MSI2: variants seen among roughly 807,000 people sequenced by gnomAD.
MSI2 encodes musashi RNA binding protein 2.
Under a neutral mutation model 45.6 loss-of-function variants are expected in MSI2, and 17 were observed. The ratio of observed to expected loss-of-function variants is 0.37; its 90% CI spans 0.26 to 0.56. MSI2 has a LOEUF of 0.56. Among genes scored for constraint, MSI2 ranks in the 20% least tolerant of loss-of-function variants. MSI2 has a pLI of 0.77. For missense variants in MSI2, 293 were observed against 444.2 expected (o/e 0.66, Z 3.06); for synonymous variants, 156 against 158.2 (o/e 0.99, Z 0.11).
chr17:57,675,690 C>G (rs1334805638), intron 12 of MSI2, among the ~76,000 whole-genome samples: 3 of 152,142 alleles, frequency 2.0e-5, no homozygotes, highest in African/African-American at 4.8e-5. Context: ...GTGTGGGGAT[C>G]CAAGCCCTCT....
intron 5 of MSI2, among the ~76,000 whole-genome samples, chr17:57,304,184 CTA>C (rs1408892463): frequency 1.3e-5 from 2 of 151,830 alleles, no homozygotes; most frequent in African/African-American, 4.8e-5. Flanking sequence ...TGGTGAAATG[CTA>C]TCTCTACTAA....
intron 1 of MSI2, 140 bp from the exon 2 acceptor site, chr17:57,256,958 G>A: frequency 7.2e-7 from 1 of 1,383,474 alleles, no homozygotes; most frequent in Non-Finnish European, 9.8e-7. Flanking sequence ...ATTGCATTTC[G>A]CCGTCACCTT....
intron 5 of MSI2, among the ~76,000 whole-genome samples, chr17:57,357,912 T>G (rs1050620967): frequency 1.3e-5 from 2 of 152,326 alleles, no homozygotes; most frequent in Non-Finnish European, 1.5e-5. Flanking sequence ...TTGACCTTAG[T>G]GACTTGATCA....
chr17:57,473,462 T>C (rs1352833341), intron 6 of MSI2, among the ~76,000 whole-genome samples: 1 of 152,218 alleles, frequency 6.6e-6, no homozygotes, highest in Non-Finnish European at 1.5e-5. Context: ...TAGAATTCAT[T>C]GACGGCAAAA....
chr17:57,672,702 ATTAG>A (rs1912889849), intron 11 of MSI2, among the ~76,000 whole-genome samples: 1 of 152,230 alleles, frequency 6.6e-6, no homozygotes, highest in South Asian at 2.1e-4. Flanking sequence ...GAACGGGCTA[ATTAG>A]TTTATTTGTA....
chr17:57,334,818 TA>T (rs1914566237), intron 5 of MSI2, among the ~76,000 whole-genome samples: 1 of 151,290 alleles, frequency 6.6e-6, no homozygotes, highest in Non-Finnish European at 1.5e-5. Context: ...ATAAATAAGA[TA>T]AAAAAATACG....
chr17:57,285,602 TTG>T (rs943297337), intron 5 of MSI2, among the ~76,000 whole-genome samples: 23 of 152,248 alleles, frequency 1.5e-4, no homozygotes, highest in African/African-American at 5.5e-4. Flanking sequence ...CAAATAAAGT[TTG>T]TGGAAGGTTC....
intron 6 of MSI2, among the ~76,000 whole-genome samples, chr17:57,451,137 A>G (rs2085011118): frequency 1.3e-5 from 2 of 152,178 alleles, no homozygotes; most frequent in Admixed American, 1.3e-4. Flanking sequence ...GTTGAGTACC[A>G]GATACTGTGG....
intron 9 of MSI2, among the ~76,000 whole-genome samples, chr17:57,621,165 C>T (rs573550812): frequency 3.3e-5 from 5 of 152,336 alleles, no homozygotes; most frequent in Admixed American, 3.3e-4. Flanking sequence ...GGTAGCATGG[C>T]CTGACATGAC....
At chr17:57,621,844 GGT>G (rs1185917106) in intron 9 of MSI2, among the ~76,000 whole-genome samples, 2 of 152,082 alleles carry the variant, frequency 1.3e-5, no homozygotes, top group Admixed American at 6.6e-5. Context: ...GAAGAGGAGG[GGT>G]TATCCTTAGG....
intron 6 of MSI2, among the ~76,000 whole-genome samples, chr17:57,447,114 G>T (rs1221719495): frequency 1.3e-5 from 2 of 152,032 alleles, no homozygotes; most frequent in African/African-American, 2.4e-5. Context: ...TAGAGATAGG[G>T]TCTCTCTGTA....
At chr17:57,603,831 G>T (rs1906200830) in intron 8 of MSI2, among the ~76,000 whole-genome samples, 2 of 152,266 alleles carry the variant, frequency 1.3e-5, no homozygotes, top group African/African-American at 4.8e-5. Flanking sequence ...ATCTAGCTCA[G>T]AGCAGGCCCA....
chr17:57,338,983 T>C (rs1471089970), intron 5 of MSI2, among the ~76,000 whole-genome samples: 2 of 152,172 alleles, frequency 1.3e-5, no homozygotes, highest in Non-Finnish European at 2.9e-5. Context: ...GTGCCAGGCT[T>C]AAGTTTTCAG....
At chr17:57,488,095 A>G (rs2085790305) in intron 6 of MSI2, among the ~76,000 whole-genome samples, 1 of 152,146 alleles carries the variant, frequency 6.6e-6, no homozygotes, top group Non-Finnish European at 1.5e-5. Flanking sequence ...AGCCCAGGGC[A>G]GCAGCCAAGC....
At chr17:57,527,975 A>T (rs1020172686) in intron 6 of MSI2, among the ~76,000 whole-genome samples, 1 of 152,058 alleles carries the variant, frequency 6.6e-6, no homozygotes, top group Non-Finnish European at 1.5e-5. Context: ...TCTCAAAGGG[A>T]TTAGCGCCAG....
chr17:57,319,857 G>C (rs570731338), intron 5 of MSI2, among the ~76,000 whole-genome samples: 1 of 152,172 alleles, frequency 6.6e-6, no homozygotes, highest in South Asian at 2.1e-4. Context: ...CAAGCAATCT[G>C]CCCACCACAG....
At chr17:57,503,340 A>G (rs1791181644) in intron 6 of MSI2, among the ~76,000 whole-genome samples, 1 of 152,236 alleles carries the variant, frequency 6.6e-6, no homozygotes, top group African/African-American at 2.4e-5. Context: ...TTTTATTAAA[A>G]ATGTCATTAC....
intron 6 of MSI2, among the ~76,000 whole-genome samples, chr17:57,483,757 G>A (rs1167129854): frequency 6.6e-6 from 1 of 152,192 alleles, no homozygotes; most frequent in Non-Finnish European, 1.5e-5. Flanking sequence ...GTACAGGAAG[G>A]CACCTTTACT....
intron 11 of MSI2, among the ~76,000 whole-genome samples, chr17:57,664,246 C>T (rs117309517): frequency 0.01 from 1,528 of 152,294 alleles, 8 homozygotes; most frequent in Middle Eastern, 0.027. Flanking sequence ...AGGCCGGGCA[C>T]GGTGACTCAC....
Sources: gnomAD v4.1 joint callset for allele counts (sites outside exome capture counted in the v4.1 genomes callset) on GRCh38, gnomAD v4.1.1 for gene constraint, MANE v1.5 for transcripts, NCBI Gene and HGNC (gene_info 2026-07-23, HGNC 2026-07-21) for gene names.